Variants in SYNDIG1L observed in about 807,000 individuals in gnomAD.
SYNDIG1L encodes synapse differentiation inducing 1 like, also known as synapse differentiation-inducing gene protein 1-like.
In SYNDIG1L, 13 loss-of-function variants were observed where a neutral mutation model predicts 20.1. That is an observed-to-expected ratio of 0.65 (90% CI 0.42 to 1.03). SYNDIG1L has a LOEUF of 1.03. Among genes scored for constraint, SYNDIG1L ranks in the 50% least tolerant of loss-of-function variants. SYNDIG1L has a pLI of 0.00. For missense variants in SYNDIG1L, 294 were observed against 305.1 expected (o/e 0.96, Z 0.27); for synonymous variants, 128 against 129.3 (o/e 0.99, Z 0.07).
chr14:74,412,704 G>A (rs546195172), intron 1 of SYNDIG1L, among the ~76,000 whole-genome samples: 2 of 152,284 alleles, frequency 1.3e-5, no homozygotes, highest in African/African-American at 4.8e-5. Flanking sequence ...TTTTCCAGAT[G>A]GGCGACAGAG....
At chr14:74,475,471 CTGT>C in the SYNDIG1L span, among the ~76,000 whole-genome samples, 1 of 104,828 alleles carries the variant, frequency 9.5e-6, no homozygotes. Context: ...TTACAGAAAT[CTGT>C]AAACAACTAC....
At chr14:74,423,324 C>T (rs1202512142) in intron 1 of SYNDIG1L, among the ~76,000 whole-genome samples, 5 of 152,222 alleles carry the variant, frequency 3.3e-5, no homozygotes, top group African/African-American at 1.2e-4. Context: ...GTATTGTCCT[C>T]ACCCCAGTAG....
chr14:74,454,655 G>A, the SYNDIG1L span, among the ~76,000 whole-genome samples: 14 of 152,212 alleles, frequency 9.2e-5, no homozygotes, highest in Non-Finnish European at 1.5e-4. Context: ...AAACAAGCCT[G>A]TTTAAGATAA....
At chr14:74,427,110 T>C (rs2086273046), upstream of SYNDIG1L, among the ~76,000 whole-genome samples, 1 of 141,408 alleles carries the variant, frequency 7.1e-6, no homozygotes, top group African/African-American at 2.7e-5. Flanking sequence ...CACCTCCACC[T>C]GCGTTTCCTT....
At chr14:74,442,435 G>A in the SYNDIG1L span, among the ~76,000 whole-genome samples, 1 of 152,168 alleles carries the variant, frequency 6.6e-6, no homozygotes, top group Non-Finnish European at 1.5e-5. Context: ...GGAGAAACAG[G>A]ATGCACGAAA....
chr14:74,435,642 TA>T, the SYNDIG1L span, among the ~76,000 whole-genome samples: 2 of 152,186 alleles, frequency 1.3e-5, no homozygotes, highest in African/African-American at 4.8e-5. Context: ...AACCCAGTAA[TA>T]AGTTCTATTT....
chr14:74,479,871 T>TG, the SYNDIG1L span: 5 of 803,472 alleles, frequency 6.2e-6, no homozygotes, highest in Middle Eastern at 4.8e-4. Flanking sequence ...ACCACGGAAC[T>TG]GGGGGCCTGC....
the SYNDIG1L span, among the ~76,000 whole-genome samples, chr14:74,455,564 C>T: frequency 4.2e-3 from 637 of 152,246 alleles, 2 homozygotes; most frequent in Middle Eastern, 6.8e-3. Context: ...GGATTACAGG[C>T]GCCTGCCACC....
At chr14:74,465,616 G>A in the SYNDIG1L span, among the ~76,000 whole-genome samples, 2 of 152,178 alleles carry the variant, frequency 1.3e-5, no homozygotes, top group African/African-American at 4.8e-5. Flanking sequence ...GGTGGGTGAT[G>A]GGTGACCCCA....
At chr14:74,437,595 G>A in the SYNDIG1L span, among the ~76,000 whole-genome samples, 1 of 152,170 alleles carries the variant, frequency 6.6e-6, no homozygotes, top group South Asian at 2.1e-4. Context: ...CAAAGTACCT[G>A]CCAGGCTTTT....
intron 1 of SYNDIG1L, among the ~76,000 whole-genome samples, chr14:74,411,818 C>G (rs1050594661): frequency 2.6e-5 from 4 of 152,160 alleles, no homozygotes; most frequent in Non-Finnish European, 5.9e-5. Context: ...AGACTGGCTG[C>G]CTCTAAGCTG....
At chr14:74,453,031 C>T in the SYNDIG1L span, among the ~76,000 whole-genome samples, 2 of 152,030 alleles carry the variant, frequency 1.3e-5, no homozygotes, top group African/African-American at 4.8e-5. Flanking sequence ...GAGAATACAA[C>T]TCATCTATAG....
the SYNDIG1L span, chr14:74,476,137 T>C: frequency 2.5e-6 from 1 of 402,754 alleles, no homozygotes; most frequent in Non-Finnish European, 4.5e-6. Context: ...TCATCTTTCC[T>C]ATGTTGATCC....
chr14:74,469,401 A>G, the SYNDIG1L span, among the ~76,000 whole-genome samples: 1 of 151,122 alleles, frequency 6.6e-6, no homozygotes, highest in Non-Finnish European at 1.5e-5. Flanking sequence ...GGATAGCTTT[A>G]GGAGAAATAC....
chr14:74,425,151 G>T (rs942567989), intron 1 of SYNDIG1L, among the ~76,000 whole-genome samples: 1 of 152,136 alleles, frequency 6.6e-6, no homozygotes, highest in African/African-American at 2.4e-5. Context: ...GAAGCACTTT[G>T]CAGGCCTGAA....
chr14:74,455,513 G>A, the SYNDIG1L span, among the ~76,000 whole-genome samples: 1 of 150,190 alleles, frequency 6.7e-6, no homozygotes, highest in Non-Finnish European at 1.5e-5. Context: ...CTCGCCTCCC[G>A]AGTTCAAGTG....
chr14:74,432,180 T>TGTGTTTGA, the SYNDIG1L span, among the ~76,000 whole-genome samples: 1 of 124,072 alleles, frequency 8.1e-6, no homozygotes, highest in Non-Finnish European at 1.6e-5. Context: ...TGTGTGTGTG[T>TGTGTTTGA]GAGAGAGAGA....
chr14:74,429,594 T>G (rs1228435009), upstream of SYNDIG1L, among the ~76,000 whole-genome samples: 1 of 152,210 alleles, frequency 6.6e-6, no homozygotes, highest in East Asian at 1.9e-4. Context: ...TAGTGAGCCC[T>G]CTACCTCGGA....
chr14:74,417,877 A>G lies in SYNDIG1L; in HGVS notation c.-58+8035T>C, dbSNP rs537681220. ...AAGATTAAGAGATTTAGGGTGATTT[A>G]GCAGCCCAGGGGTAGCTGCCTAGAT... On this transcript the variant is annotated intron_variant, in intron 1 of 3. Transcript: ENST00000331628. Among the ~76,000 whole-genome samples the G allele has an allele frequency of 3.1e-4, 47 of 152,312 alleles. 1 individual carries two copies. In the East Asian group the frequency reaches 8.3e-3, roughly 27 times the overall value.
Sources: allele counts gnomAD v4.1 joint callset (sites outside exome capture counted in the v4.1 genomes callset), GRCh38; gene constraint gnomAD v4.1.1; transcripts MANE v1.5; gene names NCBI Gene and HGNC (gene_info 2026-07-23, HGNC 2026-07-21).